Variants in LPIN2 observed in about 807,000 individuals in gnomAD.
LPIN2 encodes lipin 2.
A neutral mutation model predicts 111.4 loss-of-function variants in LPIN2; 55 were observed. The ratio of observed to expected loss-of-function variants is 0.49; its 90% confidence interval spans 0.40 to 0.62. The LOEUF (loss-of-function observed/expected upper bound fraction) is 0.62, where lower values mean the gene tolerates loss of function less well. LPIN2 is among the 20% of genes least tolerant of loss of function. The probability of loss-of-function intolerance (pLI) is 0.00; values close to 1 mark genes in which losing one functional copy is unlikely to be tolerated. For missense variants in LPIN2, 992 were observed against 1,112.1 expected (o/e 0.89, Z 1.54); for synonymous variants, 425 against 414.0 (o/e 1.03, Z -0.32).
At position 2,978,391 on chromosome 18, in the gene LPIN2, T is replaced by A. The variant is rs554659643; in HGVS notation, c.-9-17542A>T. On this transcript the variant is annotated intron_variant, in intron 1 of 19. Coordinates refer to ENST00000677752, the MANE Select transcript of LPIN2 (RefSeq NM_001375808.2). ...ACACTGACCTCAGGGACTCCTGGTA[T>A]GACTCACTGAAAAGGACTTTTGAGG... Among the ~76,000 whole-genome samples, 6 of 152,268 alleles carry A rather than the reference T, an allele frequency of 3.9e-5. No homozygotes were observed. The East Asian group carries it at 1.2e-3, about 29-fold the overall frequency.
intron 18 of LPIN2, 65 bp from the exon 19 acceptor site, chr18:2,920,946 C>CACAAGGAG: frequency 1.8e-6 from 2 of 1,090,432 alleles, no homozygotes; most frequent in Non-Finnish European, 2.8e-6. Context: ...TTCTCAGGCT[C>CACAAGGAG]CTTGTGAGCC....
chr18:2,919,760 A>C lies in LPIN2; in HGVS notation c.*533T>G. On this transcript the variant is annotated 3_prime_UTR_variant, in exon 20 of 20. Transcript: ENST00000677752. ...GCGGGGGTCCTGCCCAACTTGGCCC[A>C]CTGGAGCAGCTGACCCCTTCAGTGT... 1 of 180,874 alleles carries C rather than the reference A, an allele frequency of 5.5e-6. No individual in the cohort carries two copies. The highest frequency in any genetic ancestry group is 1.2e-5 in the Non-Finnish European group (1 of 84,446). 11.2% of individuals were successfully genotyped at this position (180,874 alleles called of 1,614,324 possible).
At chr18:2,975,988 A>G (rs540394820) in intron 1 of LPIN2, among the ~76,000 whole-genome samples, 2 of 152,306 alleles carry the variant, frequency 1.3e-5, no homozygotes, top group Non-Finnish European at 2.9e-5. Context: ...ACACTGACCT[A>G]GAAGTCAGGA....
intron 4 of LPIN2, chr18:2,950,758 C>T (rs939627454): frequency 6.7e-5 from 29 of 431,926 alleles, no homozygotes; most frequent in Non-Finnish European, 1.7e-5. Flanking sequence ...TGGATCTGCT[C>T]ACCGAGGGGC....
chr18:2,999,948 G>A (rs968544835), intron 1 of LPIN2, among the ~76,000 whole-genome samples: 1 of 152,022 alleles, frequency 6.6e-6, no homozygotes, highest in Non-Finnish European at 1.5e-5. Context: ...CAGCACTTCA[G>A]GAGGCTGAGG....
chr18:2,929,109 A>C lies in LPIN2; in HGVS notation c.1506T>G (p.Pro502=). 6.2e-7 allele frequency: 1 copy of C among 1,607,560 alleles called. No homozygotes were observed. Among genetic ancestry groups the C allele is most frequent in the South Asian group, 1.1e-5 (1 of 90,934 alleles). The change falls in exon 10 of 20, where the codon CCT becomes CCG. Residue 502 remains proline, a synonymous_variant. Transcript: ENST00000677752. ...CAAGGTTAGGATTGTCTATAAGTCC[A>C]GGGTTTTCTGCAAATTCGTGATAAG... is the stretch of plus-strand genomic sequence containing the variant. The part of the protein sequence containing the change: ...IITYHEFAEN[P]GLIDNPNLVI...
chr18:2,989,460 A>T (rs1045001309), intron 1 of LPIN2, among the ~76,000 whole-genome samples: 1 of 152,232 alleles, frequency 6.6e-6, no homozygotes, highest in African/African-American at 2.4e-5. Context: ...AATATTGTTA[A>T]GATGCCAATA....
chr18:2,972,118 A>G (rs1045599556), intron 1 of LPIN2, among the ~76,000 whole-genome samples: 2 of 152,208 alleles, frequency 1.3e-5, no homozygotes, highest in African/African-American at 4.8e-5. Flanking sequence ...CAAAGTCCCA[A>G]AAGCAATGCC....
chr18:2,954,619 T>C lies in LPIN2; in HGVS notation c.193-20A>G. 1 of 1,500,418 alleles carries C rather than the reference T, an allele frequency of 6.7e-7. No homozygotes were observed. The highest frequency in any genetic ancestry group is 9.3e-7 in the Non-Finnish European group (1 of 1,076,186). The allele number at this position is 1,500,418 out of a possible 1,614,324, so 92.9% of individuals were successfully genotyped here. On this transcript the variant is annotated intron_variant, in intron 2 of 19. Coordinates refer to ENST00000677752, the MANE Select transcript of LPIN2 (RefSeq NM_001375808.2). Reference sequence around the variant, plus strand: ...ATCAATCTATGGGAGAAACAAAGTATGACTTAATGTTCAAGGAGTCTTTCC... The same window carrying C: ...ATCAATCTATGGGAGAAACAAAGTACGACTTAATGTTCAAGGAGTCTTTCC...
At chr18:2,932,069 C>T (rs2077219346) in intron 8 of LPIN2, among the ~76,000 whole-genome samples, 1 of 152,126 alleles carries the variant, frequency 6.6e-6, no homozygotes, top group East Asian at 1.9e-4. Flanking sequence ...GATGAGGTTA[C>T]TGAATATTTT....
chr18:2,930,679 G>A (rs746296456), intron 9 of LPIN2, among the ~76,000 whole-genome samples: 1 of 152,182 alleles, frequency 6.6e-6, no homozygotes, highest in Non-Finnish European at 1.5e-5. Context: ...AATTGAGGAC[G>A]GATGCACATG....
At chr18:2,946,801 A>T in intron 4 of LPIN2, 1 of 452,082 alleles carries the variant, frequency 2.2e-6, no homozygotes, top group Non-Finnish European at 4.1e-6. Flanking sequence ...AACTCTGTTA[A>T]CAACGTCTAG....
At chr18:2,921,754 T>C (rs763973802) in intron 17 of LPIN2, 107 bp from the exon 18 acceptor site, 212 of 842,858 alleles carry the variant, frequency 2.5e-4, no homozygotes, top group Admixed American at 6.4e-4. Flanking sequence ...TTCAACCCTT[T>C]GTAACTGGAA....
chr18:2,955,925 CAAACA>C (rs1159035371), intron 2 of LPIN2, among the ~76,000 whole-genome samples: 1 of 149,666 alleles, frequency 6.7e-6, no homozygotes, highest in Non-Finnish European at 1.5e-5. Flanking sequence ...AAAAGAAAAA[CAAACA>C]AAACAAAACA....
chr18:2,923,868 A>G lies in LPIN2; in HGVS notation c.2088-7T>C. The G allele has an allele frequency of 6.2e-7, 1 of 1,612,828 alleles. No homozygotes were observed. On this transcript the variant is annotated splice_polypyrimidine_tract_variant and splice_region_variant and intron_variant, in intron 15 of 19. Transcript: ENST00000677752. ...CTGTCCCAAAGCATCCGACCTAAGAAGACGGTAGAAACAGGAAAAGCTATC... is the reference window on the plus strand; with the variant it reads ...CTGTCCCAAAGCATCCGACCTAAGAGGACGGTAGAAACAGGAAAAGCTATC...
intron 4 of LPIN2, chr18:2,946,356 T>C (rs1484778579): frequency 1.3e-6 from 2 of 1,500,816 alleles, no homozygotes; most frequent in Non-Finnish European, 1.9e-6. Context: ...TGTCTACCTT[T>C]TGTACAGCCT....
chr18:3,004,586 G>A (rs1025813798), intron 1 of LPIN2, among the ~76,000 whole-genome samples: 2 of 152,140 alleles, frequency 1.3e-5, no homozygotes, highest in South Asian at 2.1e-4. Flanking sequence ...GAGTCACAGT[G>A]TACACTTACT....
rs188886127 is a variant in LPIN2 at position 2,925,877 on chromosome 18, T to C, written c.1794-509A>G. Among the ~76,000 whole-genome samples, 17 of 151,694 alleles carry C rather than the reference T, an allele frequency of 1.1e-4. No homozygotes were observed. The highest frequency in any genetic ancestry group is 3.6e-4 in the African/African-American group (15 of 41,362). ...AAAAATTAGCCAGGGGTAGTGACACTTGTCTGTGGTCCTAACTACTTGGGA... is the reference window on the plus strand; with the variant it reads ...AAAAATTAGCCAGGGGTAGTGACACCTGTCTGTGGTCCTAACTACTTGGGA... On this transcript the variant is annotated intron_variant, in intron 13 of 19. Transcript: ENST00000677752. The surrounding 1 kb of genome is among the most constrained non-coding windows in gnomAD (Gnocchi z 4.1).
At chr18:2,963,699 A>G (rs1394248371) in intron 1 of LPIN2, among the ~76,000 whole-genome samples, 1 of 151,910 alleles carries the variant, frequency 6.6e-6, no homozygotes, top group African/African-American at 2.4e-5. Context: ...CCCACACAAA[A>G]AGCAAAATGT....
Sources: gnomAD v4.1 joint callset for allele counts (sites outside exome capture counted in the v4.1 genomes callset) on GRCh38, gnomAD v4.1.1 for gene constraint, Gnocchi (gnomAD v3.1) non-coding constraint, MANE v1.5 for transcripts, NCBI Gene and HGNC (gene_info 2026-07-23, HGNC 2026-07-21) for gene names.